The following C3orf70 variants were observed in gnomAD, a reference collection of about 807,000 sequenced individuals.
C3orf70 encodes the protein chromosome 3 open reading frame 70, also known as UPF0524 protein C3orf70.
Under a neutral mutation model 20.7 loss-of-function variants are expected in C3orf70, and 15 were observed. That is an observed-to-expected ratio of 0.72 (90% CI 0.48 to 1.11). The LOEUF (loss-of-function observed/expected upper bound fraction) is 1.11. Among genes scored for constraint, C3orf70 ranks in the 50% most tolerant of loss-of-function variants. The probability of loss-of-function intolerance (pLI) is 0.00; values close to 1 mark genes in which losing one functional copy is unlikely to be tolerated. For missense variants in C3orf70, 332 were observed against 317.6 expected (o/e 1.05, Z -0.34); for synonymous variants, 161 against 125.7 (o/e 1.28, Z -1.88).
In C3orf70 at chr3:185,102,263, T is replaced by G. The variant is rs369838394; in HGVS notation, c.197-18700A>C. Among the ~76,000 whole-genome samples, 24 of 152,310 alleles carry G rather than the reference T, an allele frequency of 1.6e-4. No homozygotes were observed. The East Asian group carries it at 1.7e-3, about 11-fold the overall frequency. On this transcript the variant is annotated intron_variant, in intron 1 of 1. Coordinates refer to ENST00000335012, the MANE Select transcript of C3orf70 (RefSeq NM_001025266.3). ...AATGTACAGAAATGATTAGCATTCCTATATACCAAAAACAGGCCAACAGCC... is the reference window on the plus strand; with the variant it reads ...AATGTACAGAAATGATTAGCATTCCGATATACCAAAAACAGGCCAACAGCC...
At chr3:185,101,856 T>G (rs1715830241) in intron 1 of C3orf70, among the ~76,000 whole-genome samples, 1 of 152,160 alleles carries the variant, frequency 6.6e-6, no homozygotes, top group African/African-American at 2.4e-5. Context: ...AGAAAAAGGC[T>G]TTCAATAAAG....
chr3:185,111,880 T>C (rs1392645814), intron 1 of C3orf70, among the ~76,000 whole-genome samples: 1 of 152,176 alleles, frequency 6.6e-6, no homozygotes, highest in East Asian at 1.9e-4. Flanking sequence ...ATTATTTGCC[T>C]GACAAAGAAT....
chr3:185,142,400 T>A (rs1392494970), intron 1 of C3orf70, among the ~76,000 whole-genome samples: 1 of 152,142 alleles, frequency 6.6e-6, no homozygotes, highest in Non-Finnish European at 1.5e-5. Flanking sequence ...TGCACTGCAC[T>A]CCAGCCTGGG....
chr3:185,083,033 T>G lies in C3orf70; in HGVS notation c.727A>C (p.Ile243Leu). 6.2e-7 allele frequency: 1 copy of G among 1,607,508 alleles called. No individual in the cohort carries two copies. Among genetic ancestry groups the G allele is most frequent in the Non-Finnish European group, 8.5e-7 (1 of 1,176,058 alleles). The change falls in exon 2 of 2, where the codon ATT (isoleucine) becomes CTT (leucine). Residue 243 changes from isoleucine to leucine, a missense_variant. Coordinates refer to ENST00000335012, the MANE Select transcript of C3orf70 (RefSeq NM_001025266.3). Reference sequence around the variant, plus strand: ...CACACAGTCGTTTCTATCGTTTCAATCACTTCCAGGTCAGACTGCGAGGGG... The same window carrying G: ...CACACAGTCGTTTCTATCGTTTCAAGCACTTCCAGGTCAGACTGCGAGGGG... Reference protein sequence around the residue: ...LSPSQSDLEVIETIETTV With the variant: ...LSPSQSDLEVLETIETTV
chr3:185,098,379 C>T (rs537548010), intron 1 of C3orf70, among the ~76,000 whole-genome samples: 13 of 152,340 alleles, frequency 8.5e-5, no homozygotes, highest in Admixed American at 2.6e-4. Context: ...GAATCCTTTA[C>T]AGACTATGAG....
rs2108584718 is a variant in C3orf70, at chr3:185,081,453, A to T, written c.*1554T>A. 6.6e-6 allele frequency: 1 copy of T among 152,270 alleles called. No individual in the cohort carries two copies. Among genetic ancestry groups the T allele is most frequent in the Middle Eastern group, 3.4e-3 (1 of 296 alleles). The allele number at this position is 152,270 out of a possible 1,614,324, so 9.4% of individuals were successfully genotyped here. On this transcript the variant is annotated 3_prime_UTR_variant, in exon 2 of 2. Transcript: ENST00000335012. Reference sequence around the variant, plus strand: ...TTAATGTGACGTAGAGATGTACCATAATGGTGCCAGAGCACAAGGGAATCT... The same window carrying T: ...TTAATGTGACGTAGAGATGTACCATTATGGTGCCAGAGCACAAGGGAATCT...
At chr3:185,138,445 T>TAA (rs750146579) in intron 1 of C3orf70, among the ~76,000 whole-genome samples, 7 of 128,078 alleles carry the variant, frequency 5.5e-5, no homozygotes, top group Non-Finnish European at 6.8e-5. Flanking sequence ...CAGACAGTAA[T>TAA]AATAAAAAAA....
At chr3:185,136,992 G>A (rs915845906) in intron 1 of C3orf70, among the ~76,000 whole-genome samples, 3 of 152,040 alleles carry the variant, frequency 2.0e-5, no homozygotes, top group Non-Finnish European at 4.4e-5. Flanking sequence ...TTGAAAAGAC[G>A]AACCCACAAT....
chr3:185,110,103 T>C (rs925421427), intron 1 of C3orf70, among the ~76,000 whole-genome samples: 8 of 152,212 alleles, frequency 5.3e-5, no homozygotes, highest in Non-Finnish European at 8.8e-5. Flanking sequence ...GGTGGTATAG[T>C]GGCACCTCAA....
At chr3:185,128,093 A>G (rs1015385394) in intron 1 of C3orf70, among the ~76,000 whole-genome samples, 1 of 152,212 alleles carries the variant, frequency 6.6e-6, no homozygotes, top group African/African-American at 2.4e-5. Flanking sequence ...TAGTATGACA[A>G]ATAATGCTGA....
chr3:185,082,913 T>G lies in C3orf70; in HGVS notation c.*94A>C, dbSNP rs1272339691. 7 of 1,312,628 alleles carry G rather than the reference T, an allele frequency of 5.3e-6. No individual in the cohort carries two copies. Among genetic ancestry groups the G allele is most frequent in the Non-Finnish European group, 4.2e-6 (4 of 944,280 alleles). The allele number at this position is 1,312,628 out of a possible 1,614,324, so 81.3% of individuals were successfully genotyped here. ...GTTGGTTGGAGCGGGGCGGGGTGGGTAGAAAATATCAACAGCATTGGAAAA... is the reference window on the plus strand; with the variant it reads ...GTTGGTTGGAGCGGGGCGGGGTGGGGAGAAAATATCAACAGCATTGGAAAA... On this transcript the variant is annotated 3_prime_UTR_variant, in exon 2 of 2. Transcript: ENST00000335012.
intron 1 of C3orf70, among the ~76,000 whole-genome samples, chr3:185,091,912 C>CAT (rs869291177): frequency 9.8e-4 from 35 of 35,876 alleles, no homozygotes; most frequent in Non-Finnish European, 1.3e-3. Flanking sequence ...CACACACATA[C>CAT]ATATATATAT....
intron 1 of C3orf70, among the ~76,000 whole-genome samples, chr3:185,092,669 TG>T (rs370130083): frequency 2.9e-4 from 44 of 151,694 alleles, no homozygotes; most frequent in African/African-American, 1.0e-3. Flanking sequence ...AGGCAAAAAG[TG>T]GTAAGAAAGT....
intron 1 of C3orf70, among the ~76,000 whole-genome samples, chr3:185,152,127 T>A (rs1271305121): frequency 6.6e-6 from 1 of 152,172 alleles, no homozygotes; most frequent in South Asian, 2.1e-4. Context: ...TTGGGTACAA[T>A]CAAGGGGGAA....
chr3:185,102,980 C>T (rs1715851344), intron 1 of C3orf70, among the ~76,000 whole-genome samples: 1 of 152,162 alleles, frequency 6.6e-6, no homozygotes, highest in Non-Finnish European at 1.5e-5. Context: ...GGCAGTGGCT[C>T]ATGCCTGTAA....
intron 1 of C3orf70, among the ~76,000 whole-genome samples, chr3:185,098,819 T>TGG (rs1715762920): frequency 6.6e-6 from 1 of 152,106 alleles, no homozygotes; most frequent in South Asian, 2.1e-4. Context: ...TCCAAACAGT[T>TGG]GAAGGCCTGA....
intron 1 of C3orf70, among the ~76,000 whole-genome samples, chr3:185,134,081 ACT>A (rs1716574111): frequency 6.9e-6 from 1 of 145,832 alleles, no homozygotes; most frequent in South Asian, 2.3e-4. Context: ...ATACAGTGAG[ACT>A]CTGTCTCAAA....
In C3orf70 at chr3:185,152,699, G is replaced by C. The variant is rs1261904613; in HGVS notation, c.125C>G (p.Ser42Cys). Residue 42 changes from serine to cysteine, a missense_variant, in exon 1 of 2, where the codon TCT (serine) becomes TGT (cysteine). Physicochemically the swap from Ser to Cys is moderately radical, Grantham distance 112 (BLOSUM62 -1). Transcript: ENST00000335012. ...RPDFQPCDGL[S>C]ICATHSHGKC... ...GCCATGGCTGTGCGTGGCACAGATA[G>C]ACAGCCCGTCGCACGGCTGGAAGTC... 5.6e-6 allele frequency: 9 copies of C among 1,594,452 alleles called. No individual in the cohort carries two copies. Among genetic ancestry groups the C allele is most frequent in the African/African-American group, 1.4e-5 (1 of 72,894 alleles).
At chr3:185,130,372 T>C (rs1283774235) in intron 1 of C3orf70, among the ~76,000 whole-genome samples, 1 of 152,194 alleles carries the variant, frequency 6.6e-6, no homozygotes, top group African/African-American at 2.4e-5. Flanking sequence ...GAGAATGGCA[T>C]GAACCCGGGA....
Sources: gnomAD v4.1 joint callset for allele counts (sites outside exome capture counted in the v4.1 genomes callset) on GRCh38, gnomAD v4.1.1 for gene constraint, MANE v1.5 for transcripts, NCBI Gene and HGNC (gene_info 2026-07-23, HGNC 2026-07-21) for gene names.